The following TSHZ2 variants were observed in gnomAD, a reference collection of about 807,000 sequenced individuals.
TSHZ2 encodes teashirt zinc finger homeobox 2, also known as teashirt homolog 2.
A neutral mutation model predicts 74.4 loss-of-function variants in TSHZ2; 21 were observed. The ratio of observed to expected loss-of-function variants is 0.28; its 90% CI spans 0.20 to 0.41. The LOEUF (loss-of-function observed/expected upper bound fraction) is 0.41, where lower values mean the gene tolerates loss of function less well. Among genes scored for constraint, TSHZ2 ranks in the 10% least tolerant of loss-of-function variants. TSHZ2 has a pLI of 1.00. For missense variants in TSHZ2, 1,244 were observed against 1,293.5 expected (o/e 0.96, Z 0.59); for synonymous variants, 540 against 515.3 (o/e 1.05, Z -0.65).
intron 2 of TSHZ2, among the ~76,000 whole-genome samples, chr20:53,439,638 T>C (rs1212543662): frequency 6.6e-6 from 1 of 152,194 alleles, no homozygotes; most frequent in Admixed American, 6.5e-5. Context: ...TTTTTTTCCC[T>C]GTGGCATAAA....
chr20:53,030,999 G>A (rs1263911580), intron 1 of TSHZ2, among the ~76,000 whole-genome samples: 2 of 152,074 alleles, frequency 1.3e-5, no homozygotes, highest in Non-Finnish European at 2.9e-5. Flanking sequence ...TGCTGAATGT[G>A]GGCTTTATTT....
chr20:53,406,272 C>T (rs1982849435), intron 2 of TSHZ2, among the ~76,000 whole-genome samples: 1 of 152,168 alleles, frequency 6.6e-6, no homozygotes, highest in Non-Finnish European at 1.5e-5. Context: ...AAAGATGGCA[C>T]CATCTATGTA....
chr20:53,393,159 C>T (rs1241856795), intron 2 of TSHZ2, among the ~76,000 whole-genome samples: 1 of 152,144 alleles, frequency 6.6e-6, no homozygotes, highest in Non-Finnish European at 1.5e-5. Context: ...TCACCCTCCT[C>T]CTATCCTCCA....
At chr20:53,178,768 T>G (rs1456754086) in intron 1 of TSHZ2, 2 of 152,180 alleles carry the variant, frequency 1.3e-5, no homozygotes, top group African/African-American at 4.8e-5. Context: ...CTTTGTAATA[T>G]TTTTGATACT....
intron 1 of TSHZ2, among the ~76,000 whole-genome samples, chr20:52,982,890 G>A (rs1981621074): frequency 6.6e-6 from 1 of 152,110 alleles, no homozygotes; most frequent in Non-Finnish European, 1.5e-5. Context: ...AGAGGAAGGA[G>A]GAAATGCCAA....
At chr20:53,189,581 T>A (rs529707171) in intron 1 of TSHZ2, among the ~76,000 whole-genome samples, 1 of 152,308 alleles carries the variant, frequency 6.6e-6, no homozygotes, top group East Asian at 1.9e-4. Flanking sequence ...ATAAGCACCA[T>A]ATTCAGACCA....
chr20:53,078,847 T>C (rs1037566391), intron 1 of TSHZ2, among the ~76,000 whole-genome samples: 1 of 152,192 alleles, frequency 6.6e-6, no homozygotes, highest in African/African-American at 2.4e-5. Context: ...AAAATCGTAA[T>C]TCCATTTGGG....
intron 1 of TSHZ2, among the ~76,000 whole-genome samples, 193 bp from the exon 2 acceptor site, chr20:53,253,301 GAAAAA>G (rs11290209): frequency 1.0e-5 from 1 of 97,562 alleles, no homozygotes; most frequent in Non-Finnish European, 2.2e-5. Flanking sequence ...CCTGCCAATT[GAAAAA>G]AAAAAAAAAA....
intron 2 of TSHZ2, among the ~76,000 whole-genome samples, chr20:53,332,002 C>T (rs188675864): frequency 4.6e-5 from 7 of 152,280 alleles, no homozygotes; most frequent in Admixed American, 4.6e-4. Context: ...TCCATCTTCA[C>T]TGCCCTCCTC....
intron 1 of TSHZ2, among the ~76,000 whole-genome samples, chr20:53,101,126 G>A (rs1344745802): frequency 6.6e-6 from 1 of 152,142 alleles, no homozygotes; most frequent in Admixed American, 6.5e-5. Flanking sequence ...CCGTTCTAAG[G>A]ACATCTGTGG....
chr20:53,243,658 G>A (rs1990124266), intron 1 of TSHZ2, among the ~76,000 whole-genome samples: 1 of 152,148 alleles, frequency 6.6e-6, no homozygotes, highest in Non-Finnish European at 1.5e-5. Context: ...TTTCCTGAAT[G>A]AGAAATTGGC....
intron 2 of TSHZ2, among the ~76,000 whole-genome samples, chr20:53,440,719 C>A (rs532882805): frequency 6.6e-6 from 1 of 152,262 alleles, no homozygotes; most frequent in South Asian, 2.1e-4. Context: ...CTGGTCCCAA[C>A]CTCAATTGAT....
chr20:53,040,489 A>C (rs1418582511), intron 1 of TSHZ2, among the ~76,000 whole-genome samples: 1 of 152,072 alleles, frequency 6.6e-6, no homozygotes, highest in Non-Finnish European at 1.5e-5. Flanking sequence ...TAAATGAATG[A>C]GGTTACACAA....
intron 2 of TSHZ2, among the ~76,000 whole-genome samples, chr20:53,358,625 G>A (rs1461014773): frequency 1.3e-5 from 2 of 151,944 alleles, no homozygotes; most frequent in Non-Finnish European, 1.5e-5. Context: ...GATTACAGGC[G>A]TGAGCCACTG....
chr20:53,070,518 T>G (rs1383554284), intron 1 of TSHZ2, among the ~76,000 whole-genome samples: 2 of 152,206 alleles, frequency 1.3e-5, no homozygotes, highest in Non-Finnish European at 2.9e-5. Context: ...ATGTAGATCA[T>G]TTTTATTTAC....
chr20:53,321,058 C>T (rs1979238645), intron 2 of TSHZ2, among the ~76,000 whole-genome samples: 1 of 152,110 alleles, frequency 6.6e-6, no homozygotes, highest in Non-Finnish European at 1.5e-5. Context: ...TGAAATTCAC[C>T]CAACAACATG....
At chr20:53,464,911 C>T (rs1329514810) in intron 2 of TSHZ2, among the ~76,000 whole-genome samples, 2 of 152,216 alleles carry the variant, frequency 1.3e-5, no homozygotes, top group Admixed American at 6.5e-5. Flanking sequence ...GGATTACAGG[C>T]ATGAGCCACC....
intron 2 of TSHZ2, among the ~76,000 whole-genome samples, chr20:53,485,526 T>G (rs965790923): frequency 1.3e-5 from 2 of 152,158 alleles, no homozygotes; most frequent in Non-Finnish European, 2.9e-5. Context: ...CTGGCCAACA[T>G]GGTGAAACCC....
intron 1 of TSHZ2, among the ~76,000 whole-genome samples, chr20:53,078,099 T>C (rs948984532): frequency 1.3e-5 from 2 of 152,258 alleles, no homozygotes; most frequent in Non-Finnish European, 2.9e-5. Context: ...GAGAATGACA[T>C]GCGAAGAGCT....
Sources: allele counts gnomAD v4.1 joint callset (sites outside exome capture counted in the v4.1 genomes callset), GRCh38; gene constraint gnomAD v4.1.1; transcripts MANE v1.5; gene names NCBI Gene and HGNC (gene_info 2026-07-23, HGNC 2026-07-21).